APOL3: variants seen among roughly 807,000 people sequenced by gnomAD.
APOL3 encodes the protein TNF-inducible protein CG12-1.
In APOL3, 14 loss-of-function variants were observed where a neutral mutation model predicts 11.6. The ratio of observed to expected loss-of-function variants is 1.21; its 90% CI spans 0.80 to 1.89. The LOEUF (loss-of-function observed/expected upper bound fraction) is 1.89, where lower values mean the gene tolerates loss of function less well. Ranked by LOEUF, APOL3 falls within the 40% of genes most tolerant of loss-of-function variation. APOL3 has a pLI of 0.00. For synonymous variants in APOL3, 192 were observed against 190.6 expected (o/e 1.01, Z -0.06); for missense variants, 483 against 492.1 (o/e 0.98, Z 0.17).
intron 1 of APOL3, among the ~76,000 whole-genome samples, chr22:36,160,274 A>G (rs1027311003): frequency 2.6e-5 from 4 of 152,106 alleles, no homozygotes; most frequent in African/African-American, 7.2e-5. Flanking sequence ...AGGCCACAAG[A>G]AGGACAGGCC....
upstream of APOL3, chr22:36,161,664 T>C (rs2146911518): frequency 6.6e-6 from 1 of 152,568 alleles, no homozygotes; most frequent in South Asian, 2.1e-4. Context: ...GTGGCACTTT[T>C]GTTAGGCTGT....
intron 1 of APOL3, among the ~76,000 whole-genome samples, chr22:36,154,223 C>G (rs1020263257): frequency 7.2e-5 from 11 of 152,138 alleles, no homozygotes; most frequent in African/African-American, 2.4e-4. Context: ...TTTTAAGAGC[C>G]CTGGCTGAGG....
exon 3 of APOL3, chr22:36,140,621 A>T (rs1368655379): frequency 6.5e-6 from 1 of 154,444 alleles, no homozygotes; most frequent in Non-Finnish European, 1.4e-5. Context: ...AAGGGGATCC[A>T]TCACACTACA....
At chr22:36,140,930 G>A in exon 3 of APOL3, 1 of 451,798 alleles carries the variant, frequency 2.2e-6, no homozygotes, top group Non-Finnish European at 3.9e-6. Context: ...ATATTCGTTA[G>A]TCTAAAGGAA....
At chr22:36,160,881 CCCAGTCCCATCCTTGGT>C in exon 1 of APOL3, 1 of 1,613,274 alleles carries the variant, frequency 6.2e-7, no homozygotes, top group South Asian at 1.1e-5. Flanking sequence ...CCACCCTTGG[CCCAGTCCCATCCTTGGT>C]CCAGCAGCAC....
intron 1 of APOL3, chr22:36,154,607 C>T: frequency 4.2e-6 from 2 of 470,822 alleles, no homozygotes; most frequent in Non-Finnish European, 8.8e-6. Context: ...GCGTGGACTC[C>T]CAGAAGGGCT....
upstream of APOL3, among the ~76,000 whole-genome samples, chr22:36,161,859 G>C (rs10716418): frequency 2.0e-4 from 7 of 35,692 alleles, no homozygotes; most frequent in East Asian, 8.5e-3. Context: ...AGAAAAAGGT[G>C]GGGGGGTGAT....
At position 36,156,065 on chromosome 22, in the gene APOL3, G is replaced by A. The variant is rs79380872; in HGVS notation, c.223+4604C>T. ...TAGGCAGAGAGAGAGGGAGAGAGGGGTGAAGACACCGTGCTCCTCCTGAGG... is the reference window on the plus strand; with the variant it reads ...TAGGCAGAGAGAGAGGGAGAGAGGGATGAAGACACCGTGCTCCTCCTGAGG... On this transcript the variant is annotated intron_variant, in intron 1 of 2. Coordinates refer to ENST00000349314, the Ensembl canonical transcript of APOL3. 1,800 of 213,906 alleles carry A rather than the reference G, an allele frequency of 8.4e-3. 27 individuals are homozygous for A. Among genetic ancestry groups the A allele is most frequent in the African/African-American group, 0.04 (1,705 of 42,454 alleles). The allele number at this position is 213,906 out of a possible 1,614,324, so 13.3% of individuals were successfully genotyped here.
chr22:36,152,297 G>A (rs901825240), intron 1 of APOL3, among the ~76,000 whole-genome samples: 14 of 152,326 alleles, frequency 9.2e-5, no homozygotes, highest in East Asian at 3.9e-4. Context: ...AACTAAAGCC[G>A]TGCAGCAAAA....
chr22:36,148,863 A>G (rs544923346), intron 1 of APOL3, among the ~76,000 whole-genome samples, 183 bp downstream of exon 2: 3 of 152,294 alleles, frequency 2.0e-5, no homozygotes. Flanking sequence ...AGGTCAGGAC[A>G]TAGATGCCCC....
intron 1 of APOL3, among the ~76,000 whole-genome samples, chr22:36,158,159 C>A (rs2013208258): frequency 6.6e-6 from 1 of 152,046 alleles, no homozygotes; most frequent in Non-Finnish European, 1.5e-5. Flanking sequence ...CACTTTTGAA[C>A]CATATATGTA....
rs930407334 is a variant in APOL3, at chr22:36,156,765, G to C, written c.223+3904C>G. On this transcript the variant is annotated intron_variant, in intron 1 of 2. Coordinates refer to ENST00000349314, the Ensembl canonical transcript of APOL3. ...CAGCTCTACCTCTGTGTGGCTCTTT[G>C]GGCCTCTGTCTCCCCGTTAAACTCT... is the stretch of plus-strand genomic sequence containing the variant. 11 of 336,386 alleles carry C rather than the reference G, an allele frequency of 3.3e-5. No homozygotes were observed. In the East Asian group the frequency reaches 8.2e-4, roughly 25 times the overall value. 20.8% of individuals were successfully genotyped at this position (336,386 alleles called of 1,614,324 possible).
chr22:36,158,319 C>T (rs577097776), intron 1 of APOL3, among the ~76,000 whole-genome samples: 2 of 152,228 alleles, frequency 1.3e-5, no homozygotes, highest in South Asian at 2.1e-4. Flanking sequence ...GGATCGTCAG[C>T]GATACTCAGC....
chr22:36,141,191 G>C, exon 3 of APOL3: 2 of 1,610,228 alleles, frequency 1.2e-6, no homozygotes, highest in Non-Finnish European at 8.5e-7. Context: ...TGGCTGCACT[G>C]GTCTGGGGTC....
intron 1 of APOL3, among the ~76,000 whole-genome samples, chr22:36,151,987 A>AGTGTGTGT (rs71322993): frequency 2.0e-5 from 3 of 151,060 alleles, no homozygotes; most frequent in Non-Finnish European, 4.4e-5. Flanking sequence ...GAAGAATGTG[A>AGTGTGTGT]GTGTGTGTGT....
intron 1 of APOL3, 142 bp downstream of exon 2, chr22:36,148,904 G>T: frequency 1.3e-6 from 1 of 773,130 alleles, no homozygotes. Context: ...GACTCCATGT[G>T]GCCTCTTTTG....
rs1222422367 is a variant in APOL3 at position 36,149,304 on chromosome 22, T to C, written c.224-3705A>G. 13 of 1,305,902 alleles carry C rather than the reference T, an allele frequency of 1.0e-5. No individual in the cohort carries two copies. In the South Asian group the frequency reaches 1.6e-4, roughly 16 times the overall value. 80.9% of individuals were successfully genotyped at this position (1,305,902 alleles called of 1,614,324 possible). On this transcript the variant is annotated intron_variant, in intron 1 of 2. Transcript: ENST00000349314. ...CTCCTGGGCCCCAGCCAGCTGGTAT[T>C]TAGAGAAATTCTACTTGCTCCAGCT... is the stretch of plus-strand genomic sequence containing the variant.
chr22:36,152,731 A>G (rs910840049), intron 1 of APOL3, among the ~76,000 whole-genome samples: 4 of 152,210 alleles, frequency 2.6e-5, no homozygotes, highest in Non-Finnish European at 5.9e-5. Flanking sequence ...GCCAAACTCA[A>G]GTGCCCAATC....
intron 1 of APOL3, among the ~76,000 whole-genome samples, chr22:36,148,242 G>T (rs993191444): frequency 6.6e-6 from 1 of 152,248 alleles, no homozygotes; most frequent in African/African-American, 2.4e-5. Context: ...ATGAGGCCCT[G>T]CCTGAGGCAG....
Sources: gnomAD v4.1 joint callset for allele counts (sites outside exome capture counted in the v4.1 genomes callset) on GRCh38, gnomAD v4.1.1 for gene constraint, MANE v1.5 for transcripts, NCBI Gene and HGNC (gene_info 2026-07-23, HGNC 2026-07-21) for gene names.